The following CTNNA2 variants were observed in gnomAD, a reference collection of about 807,000 sequenced individuals.
CTNNA2 encodes catenin alpha-2.
Under a neutral mutation model 101.0 loss-of-function variants are expected in CTNNA2, and 42 were observed. That is an observed-to-expected ratio of 0.42 (90% CI 0.32 to 0.54). The LOEUF is 0.54. Among genes scored for constraint, CTNNA2 ranks in the 20% least tolerant of loss-of-function variants. The probability of loss-of-function intolerance (pLI) is 0.14; values close to 1 mark genes in which losing one functional copy is unlikely to be tolerated. For missense variants in CTNNA2, 871 were observed against 1,223.1 expected, an observed-to-expected ratio of 0.71 and a Z score of 4.29; for synonymous variants, 450 against 456.4, an observed-to-expected ratio of 0.99 and a Z score of 0.18.
chr2:79,328,590 C>T (rs191808981), intron 3 of CTNNA2, among the ~76,000 whole-genome samples: 50 of 152,102 alleles, frequency 3.3e-4, no homozygotes, highest in Admixed American at 9.8e-4. Context: ...TGATGTTGAT[C>T]ATGATGATGA....
intron 3 of CTNNA2, among the ~76,000 whole-genome samples, chr2:79,800,287 G>T (rs940156082): frequency 6.6e-6 from 1 of 152,092 alleles, no homozygotes; most frequent in Admixed American, 6.6e-5. Flanking sequence ...TGGCTGTGCT[G>T]CTTTTGGTGC....
At chr2:79,970,200 C>G (rs1574437459) in intron 7 of CTNNA2, among the ~76,000 whole-genome samples, 2 of 152,128 alleles carry the variant, frequency 1.3e-5, no homozygotes, top group South Asian at 2.1e-4. Context: ...GAGGAGCAAG[C>G]AATGGTAGGA....
chr2:80,357,527 T>C (rs1042783482), intron 7 of CTNNA2, among the ~76,000 whole-genome samples: 3 of 152,054 alleles, frequency 2.0e-5, no homozygotes, highest in Admixed American at 6.6e-5. Context: ...ACAGACCGAA[T>C]TGACAGATAG....
chr2:80,256,360 GCTC>G (rs1331653837), intron 7 of CTNNA2, among the ~76,000 whole-genome samples: 1 of 152,076 alleles, frequency 6.6e-6, no homozygotes, highest in Middle Eastern at 3.2e-3. Context: ...TGTGTTAGTA[GCTC>G]CTCTGTGCTG....
At chr2:80,454,735 C>A (rs914831450) in intron 9 of CTNNA2, among the ~76,000 whole-genome samples, 11 of 152,200 alleles carry the variant, frequency 7.2e-5, no homozygotes, top group African/African-American at 2.4e-4. Flanking sequence ...AGGTCTCCAT[C>A]TGCAGCCTCT....
chr2:80,216,163 G>T (rs770507214), intron 7 of CTNNA2, among the ~76,000 whole-genome samples: 1 of 152,102 alleles, frequency 6.6e-6, no homozygotes, highest in Non-Finnish European at 1.5e-5. Context: ...CGTCTGTCAC[G>T]GCTTCCCTTG....
intron 3 of CTNNA2, among the ~76,000 whole-genome samples, chr2:79,811,143 A>G (rs1159259520): frequency 6.6e-6 from 1 of 151,808 alleles, no homozygotes; most frequent in Non-Finnish European, 1.5e-5. Flanking sequence ...CAGTCCCACC[A>G]ACAGTGTAAA....
At chr2:79,689,983 C>T (rs968457261) in intron 2 of CTNNA2, among the ~76,000 whole-genome samples, 1 of 151,780 alleles carries the variant, frequency 6.6e-6, no homozygotes, top group African/African-American at 2.4e-5. Flanking sequence ...AAATATCTTG[C>T]ATATACATAC....
chr2:79,437,115 T>G (rs1426919583), intron 4 of CTNNA2, among the ~76,000 whole-genome samples: 6 of 151,830 alleles, frequency 4.0e-5, no homozygotes, highest in Non-Finnish European at 8.8e-5. Flanking sequence ...GTGCCTGTAA[T>G]CCCAGTTACT....
At chr2:79,318,970 A>T (rs1676557379) in intron 3 of CTNNA2, among the ~76,000 whole-genome samples, 1 of 152,214 alleles carries the variant, frequency 6.6e-6, no homozygotes, top group African/African-American at 2.4e-5. Context: ...TACAGAGCTA[A>T]TAGTCACTTA....
At chr2:79,640,090 A>G (rs1246593881) in intron 1 of CTNNA2, among the ~76,000 whole-genome samples, 1 of 152,092 alleles carries the variant, frequency 6.6e-6, no homozygotes, top group Non-Finnish European at 1.5e-5. Context: ...ATGCATTAGA[A>G]GGCACAAAAC....
At chr2:79,236,673 A>G (rs1674562078) in intron 2 of CTNNA2, among the ~76,000 whole-genome samples, 1 of 152,226 alleles carries the variant, frequency 6.6e-6, no homozygotes, top group Non-Finnish European at 1.5e-5. Flanking sequence ...AGTTTATGTA[A>G]TATTCTAAAT....
intron 7 of CTNNA2, among the ~76,000 whole-genome samples, chr2:80,022,057 C>A (rs780792768): frequency 2.6e-5 from 4 of 152,112 alleles, no homozygotes; most frequent in African/African-American, 4.8e-5. Flanking sequence ...GATCTTGTGA[C>A]ATTAAAGCTA....
At chr2:79,304,172 T>G (rs905421183) in intron 2 of CTNNA2, among the ~76,000 whole-genome samples, 4 of 152,108 alleles carry the variant, frequency 2.6e-5, no homozygotes, top group African/African-American at 7.2e-5. Context: ...ACTGAGGAAC[T>G]GGGAGCAGGT....
intron 9 of CTNNA2, among the ~76,000 whole-genome samples, chr2:80,537,977 C>A (rs142651060): frequency 6.6e-6 from 1 of 152,110 alleles, no homozygotes; most frequent in African/African-American, 2.4e-5. Flanking sequence ...TCTCTAATGA[C>A]CAGTGATGAT....
intron 8 of CTNNA2, among the ~76,000 whole-genome samples, chr2:80,397,713 C>T (rs1678151628): frequency 6.6e-6 from 1 of 152,146 alleles, no homozygotes; most frequent in Non-Finnish European, 1.5e-5. Flanking sequence ...TACCCAGTCT[C>T]AGGTATGTTT....
chr2:80,425,234 A>C (rs2149416048), intron 9 of CTNNA2, among the ~76,000 whole-genome samples: 1 of 152,284 alleles, frequency 6.6e-6, no homozygotes, highest in Non-Finnish European at 1.5e-5. Flanking sequence ...TCAGCAGGCA[A>C]GTGGGTCTCT....
At chr2:80,468,160 A>G (rs1685008913) in intron 9 of CTNNA2, among the ~76,000 whole-genome samples, 1 of 152,052 alleles carries the variant, frequency 6.6e-6, no homozygotes, top group Admixed American at 6.6e-5. Context: ...TTGTGTTTTG[A>G]AGGCAGGATT....
chr2:79,414,531 G>T (rs908108780), intron 4 of CTNNA2, among the ~76,000 whole-genome samples: 24 of 152,078 alleles, frequency 1.6e-4, no homozygotes, highest in African/African-American at 5.5e-4. Context: ...ATAGAAAACT[G>T]TTTTAAAACT....
Sources: allele counts gnomAD v4.1 joint callset (sites outside exome capture counted in the v4.1 genomes callset), GRCh38; gene constraint gnomAD v4.1.1; transcripts MANE v1.5; gene names NCBI Gene and HGNC (gene_info 2026-07-23, HGNC 2026-07-21).